Variants in DNAH10 observed in about 807,000 individuals in gnomAD.
The protein encoded by DNAH10 is dynein axonemal heavy chain 10, also known as axonemal beta dynein heavy chain 10.
DNAH10 carries 348 observed loss-of-function variants against 506.6 expected under a neutral mutation model. That is an observed-to-expected ratio of 0.69 (90% CI 0.63 to 0.75). The LOEUF is 0.75. Among genes scored for constraint, DNAH10 ranks in the 30% least tolerant of loss-of-function variants. DNAH10 has a pLI of 0.00. For synonymous variants in DNAH10, 2,059 were observed against 2,198.6 expected (o/e 0.94, Z 1.78); for missense variants, 5,179 against 5,787.1 (o/e 0.89, Z 3.41).
In DNAH10 at chr12:123,864,604, A is replaced by C; in HGVS notation, c.6918A>C (p.Leu2306Phe). Residue 2306 changes from leucine to phenylalanine, a missense_variant, in exon 40 of 79, where the codon TTA becomes TTC. By Grantham distance (22) the Leu-to-Phe change is conservative. Around this residue, in one of 3 missense-constraint regions of DNAH10, gnomAD observed 4,844 missense variants for 5,430.5 expected, o/e 0.89. Coordinates refer to ENST00000673944, the MANE Select transcript of DNAH10 (RefSeq NM_001372106.1). ...PTDKKERKYILFDGDVDALWV... is the reference protein window; with the variant it reads ...PTDKKERKYIFFDGDVDALWV... The stretch of plus-strand genomic sequence containing the variant: ...TCTTTGGTTGCTGCAGGTATATTTT[A>C]TTTGATGGTGATGTGGATGCTCTAT... 6.2e-7 allele frequency: 1 copy of C among 1,613,696 alleles called. No individual in the cohort carries two copies. Among genetic ancestry groups the C allele is most frequent in the Non-Finnish European group, 8.5e-7 (1 of 1,179,802 alleles).
At chr12:123,921,720 T>G (rs1255610878) in intron 65 of DNAH10, among the ~76,000 whole-genome samples, 1 of 82,838 alleles carries the variant, frequency 1.2e-5, no homozygotes, top group African/African-American at 4.9e-5. Flanking sequence ...TTTTTTTTTT[T>G]TTTTTTTTTT....
chr12:123,919,137 G>A lies in DNAH10; in HGVS notation c.11506+188G>A. The A allele has an allele frequency of 1.5e-6, 1 of 676,874 alleles. No homozygotes were observed. The highest frequency in any genetic ancestry group is 2.3e-6 in the Non-Finnish European group (1 of 438,316). 41.9% of individuals were successfully genotyped at this position (676,874 alleles called of 1,614,324 possible). ...ATCACCCAGGCTGGAATGCAGTGGT[G>A]CGATCACGGCTCACTGCAACCTCCA... On this transcript the variant is annotated intron_variant, in intron 65 of 78. Coordinates refer to ENST00000673944, the MANE Select transcript of DNAH10 (RefSeq NM_001372106.1). The surrounding 1 kb of genome is among the most constrained non-coding windows in gnomAD (Gnocchi z 4.9).
intron 74 of DNAH10, 80 bp downstream of exon 74, chr12:123,931,552 G>C: frequency 6.2e-7 from 1 of 1,606,160 alleles, no homozygotes. Flanking sequence ...CGTTGCTGAT[G>C]CCTTTCCCAG....
At chr12:123,929,858 C>G in intron 72 of DNAH10, 99 bp downstream of exon 72, 1 of 1,068,608 alleles carries the variant, frequency 9.4e-7, no homozygotes, top group Non-Finnish European at 1.4e-6. Flanking sequence ...CCAGCCTCTT[C>G]TGCCCCTGTG....
chr12:123,797,921 C>A (rs1246475274), intron 13 of DNAH10, among the ~76,000 whole-genome samples: 1 of 152,222 alleles, frequency 6.6e-6, no homozygotes, highest in Non-Finnish European at 1.5e-5. Flanking sequence ...TGGACAATTT[C>A]TCTGCAACGA....
At chr12:123,789,301 C>A (rs1366135145) in intron 10 of DNAH10, among the ~76,000 whole-genome samples, 1 of 151,954 alleles carries the variant, frequency 6.6e-6, no homozygotes, top group Non-Finnish European at 1.5e-5. Flanking sequence ...CTAGTGTGTG[C>A]ATGGGTATTT....
rs1036986924 is a variant in DNAH10, at chr12:123,787,692, A to AG, written c.1422-105dup. ...CCTTTTCCGATGAGGCCGTGAAACC[A>AG]GGGGGGGCGCCCGGGTCAGAGCTTC... On this transcript the variant is annotated intron_variant, in intron 9 of 78. Coordinates refer to ENST00000673944, the MANE Select transcript of DNAH10 (RefSeq NM_001372106.1). The surrounding 1 kb of genome is among the most constrained non-coding windows in gnomAD (Gnocchi z 4.6). The AG allele has an allele frequency of 6.9e-5, 92 of 1,325,334 alleles. No homozygotes were observed. Among genetic ancestry groups the AG allele is most frequent in the Middle Eastern group, 5.1e-4 (2 of 3,938 alleles). 82.1% of individuals were successfully genotyped at this position (1,325,334 alleles called of 1,614,324 possible).
chr12:123,790,025 A>G lies in DNAH10; in HGVS notation c.1719A>G (p.Leu573=), dbSNP rs767331377. 16 of 1,614,038 alleles carry G rather than the reference A, an allele frequency of 9.9e-6. No individual in the cohort carries two copies. The highest frequency in any genetic ancestry group is 1.6e-4 in the Middle Eastern group (1 of 6,084). The change falls in exon 11 of 79, where the codon CTA becomes CTG. Residue 573 remains leucine, a synonymous_variant. Transcript: ENST00000673944. ...IDDVLCRVDG[L]VTPMENLTFD... is the part of the protein sequence containing the mutation. ...ATGTCCTATGCAGAGTGGACGGCCT[A>G]GTCACCCCCATGGAAAACCTGACCT... is the stretch of plus-strand genomic sequence containing the variant.
At position 123,880,136 on chromosome 12, in the gene DNAH10, C is replaced by T. The variant is rs148533937; in HGVS notation, c.8634+335C>T. Reference sequence around the variant, plus strand: ...AAATTCATGAGATGAGCCTTGTTACCGGCTTTGGGTCGCTGCTGGCCAATC... The same window carrying T: ...AAATTCATGAGATGAGCCTTGTTACTGGCTTTGGGTCGCTGCTGGCCAATC... On this transcript the variant is annotated intron_variant, in intron 50 of 78. Coordinates refer to ENST00000673944, the MANE Select transcript of DNAH10 (RefSeq NM_001372106.1). Among the ~76,000 whole-genome samples, 110 of 152,230 alleles carry T rather than the reference C, an allele frequency of 7.2e-4. 1 individual carries two copies. The East Asian group carries it at 0.011, about 15-fold the overall frequency.
At chr12:123,847,665 C>A (rs913287330) in intron 32 of DNAH10, among the ~76,000 whole-genome samples, 1 of 152,226 alleles carries the variant, frequency 6.6e-6, no homozygotes, top group Non-Finnish European at 1.5e-5. Flanking sequence ...TAACCTCCCT[C>A]CATCCTTCTG....
In DNAH10 at chr12:123,850,749, G is replaced by A; in HGVS notation, c.6103-139G>A. The A allele has an allele frequency of 1.1e-6, 1 of 913,900 alleles. No homozygotes were observed. Among genetic ancestry groups the A allele is most frequent in the Non-Finnish European group, 1.6e-6 (1 of 626,916 alleles). The allele number at this position is 913,900 out of a possible 1,614,324, so 56.6% of individuals were successfully genotyped here. A position where few individuals can be genotyped will look rare whatever the true frequency, so the allele number is the denominator to read the frequency against. On this transcript the variant is annotated intron_variant, in intron 34 of 78. Transcript: ENST00000673944. This position sits in a 1 kb window ranked among gnomAD's most constrained non-coding sequence, Gnocchi z 5.5. ...GGGCCCTGCATTGAACACCGGGGAG[G>A]GAAAAAGAGACAAGTGGTGTTGTCA...
chr12:123,848,826 T>A lies in DNAH10; in HGVS notation c.6046T>A (p.Ser2016Thr). Residue 2016 changes from serine (S) to threonine (T), a missense_variant, in exon 34 of 79, where the codon TCC becomes ACC. Coordinates refer to ENST00000673944, the MANE Select transcript of DNAH10 (RefSeq NM_001372106.1). ...CGATGCTTCTGTGCTCTCCGTGATC[T>A]CCTCCCAGATCCAGACGATCCGAAA... Reference protein sequence around the residue: ...RIDASVLSVISSQIQTIRNAL... With the variant: ...RIDASVLSVITSQIQTIRNAL... The A allele has an allele frequency of 6.2e-7, 1 of 1,613,918 alleles. No individual in the cohort carries two copies. The highest frequency in any genetic ancestry group is 8.5e-7 in the Non-Finnish European group (1 of 1,179,858).
At chr12:123,852,801 T>G (rs1173644898) in intron 35 of DNAH10, among the ~76,000 whole-genome samples, 1 of 152,062 alleles carries the variant, frequency 6.6e-6, no homozygotes, top group African/African-American at 2.4e-5. Flanking sequence ...CTTGAACTCT[T>G]GACCTCAGGT....
chr12:123,862,917 CAG>C (rs986005177), intron 39 of DNAH10, among the ~76,000 whole-genome samples: 3 of 151,986 alleles, frequency 2.0e-5, no homozygotes, highest in Non-Finnish European at 2.9e-5. Flanking sequence ...TCAAATGATT[CAG>C]AGAGAGAGAA....
Position 123,803,780 on chromosome 12 carries a change from A to G in DNAH10, c.2734A>G (p.Asn912Asp). ...CAGGCTGACATTAATAGAGGCCATA[A>G]ATCTCTTTAAATATCCAGCCGCTAA... ...SSRLTLIEAI[N>D]LFKYPAAKSE... The change falls in exon 17 of 79, where the codon AAT becomes GAT. Residue 912 changes from asparagine (N) to aspartate (D), a missense_variant. By Grantham distance (23) the Asn-to-Asp change is conservative. Coordinates refer to ENST00000673944, the MANE Select transcript of DNAH10 (RefSeq NM_001372106.1). The G allele has an allele frequency of 6.2e-7, 1 of 1,611,712 alleles. No individual in the cohort carries two copies. Among genetic ancestry groups the G allele is most frequent in the Non-Finnish European group, 8.5e-7 (1 of 1,179,556 alleles).
chr12:123,802,724 C>T (rs1458602209), intron 16 of DNAH10, among the ~76,000 whole-genome samples: 1 of 144,596 alleles, frequency 6.9e-6, no homozygotes, highest in Admixed American at 6.8e-5. Flanking sequence ...GCCAGTTTTG[C>T]TGTCACTTTT....
chr12:123,868,168 A>G (rs1464141753), intron 43 of DNAH10, 49 bp downstream of exon 43: 1 of 1,502,842 alleles, frequency 6.7e-7, no homozygotes, highest in African/African-American at 1.4e-5. Context: ...CCTTTGGTTA[A>G]ATTTCTAGAG....
intron 16 of DNAH10, among the ~76,000 whole-genome samples, chr12:123,802,512 G>C (rs145700350): frequency 6.6e-6 from 1 of 152,242 alleles, no homozygotes; most frequent in East Asian, 1.9e-4. Flanking sequence ...TGCCATGTTG[G>C]CCAGGCTGAT....
intron 47 of DNAH10, among the ~76,000 whole-genome samples, chr12:123,876,644 TA>T (rs1239763977): frequency 1.3e-5 from 2 of 149,358 alleles, no homozygotes; most frequent in African/African-American, 5.0e-5. Flanking sequence ...CATAAAAAAA[TA>T]AAAAAATTAA....
Sources: gnomAD v4.1 joint callset for allele counts (sites outside exome capture counted in the v4.1 genomes callset) on GRCh38, gnomAD v4.1.1 for gene constraint, gnomAD v4.1.1 regional missense constraint, Gnocchi (gnomAD v3.1) non-coding constraint, MANE v1.5 for transcripts, NCBI Gene and HGNC (gene_info 2026-07-23, HGNC 2026-07-21) for gene names.